DHRSX: variants seen among roughly 807,000 people sequenced by gnomAD.
The protein encoded by DHRSX is dehydrogenase/reductase X-linked, also known as polyprenol dehydrogenase.
A neutral mutation model predicts 34.0 loss-of-function variants in DHRSX; 31 were observed. That is an observed-to-expected ratio of 0.91 (90% CI 0.69 to 1.23). The LOEUF (loss-of-function observed/expected upper bound fraction) is 1.23, where lower values mean the gene tolerates loss of function less well. DHRSX is among the 50% of genes most tolerant of loss of function. The pLI, the probability that DHRSX is intolerant of heterozygous loss-of-function variation, is 0.00. For synonymous variants in DHRSX, 201 were observed against 183.8 expected, an observed-to-expected ratio of 1.09 and a Z score of -0.76; for missense variants, 414 against 428.1, an observed-to-expected ratio of 0.97 and a Z score of 0.29.
At chrX:2,420,898 C>A (rs1381332253) in intron 2 of DHRSX, among the ~76,000 whole-genome samples, 3 of 152,104 alleles carry the variant, frequency 2.0e-5, no homozygotes, top group Non-Finnish European at 2.9e-5. Flanking sequence ...ACTAATCCAA[C>A]AAGATTTCAT....
intron 2 of DHRSX, among the ~76,000 whole-genome samples, chrX:2,420,547 A>G (rs918624827): frequency 2.6e-5 from 4 of 151,950 alleles, no homozygotes; most frequent in South Asian, 4.2e-4. Context: ...GATCGAGACC[A>G]TCTTGGCCAA....
chrX:2,238,862 G>A (rs1008898075), intron 6 of DHRSX, among the ~76,000 whole-genome samples: 11 of 151,990 alleles, frequency 7.2e-5, no homozygotes, highest in African/African-American at 2.7e-4. Context: ...TGGGATTACA[G>A]GCATGAGACA....
chrX:2,338,838 G>A (rs2042603863), intron 3 of DHRSX, among the ~76,000 whole-genome samples: 1 of 151,832 alleles, frequency 6.6e-6, no homozygotes, highest in Middle Eastern at 3.4e-3. Context: ...ACACAAAACC[G>A]ACGAAGACAC....
chrX:2,243,359 G>C, intron 5 of DHRSX, 129 bp from the exon 6 acceptor site: 1 of 720,256 alleles, frequency 1.4e-6, no homozygotes, highest in South Asian at 1.9e-5. Flanking sequence ...ACCCATGTGT[G>C]ATCATGCCAT....
chrX:2,410,044 G>A (rs1738679179), intron 2 of DHRSX, among the ~76,000 whole-genome samples: 1 of 152,180 alleles, frequency 6.6e-6, no homozygotes, highest in African/African-American at 2.4e-5. Context: ...TTTCTTTAAT[G>A]TCTTAGGAAG....
At chrX:2,328,018 T>G (rs1244012639) in intron 3 of DHRSX, among the ~76,000 whole-genome samples, 4 of 143,244 alleles carry the variant, frequency 2.8e-5, no homozygotes, top group Non-Finnish European at 6.0e-5. Context: ...AGGTGGAGCT[T>G]GCAGTGAGCC....
chrX:2,338,515 C>G (rs1030953090), intron 3 of DHRSX, among the ~76,000 whole-genome samples: 5 of 151,788 alleles, frequency 3.3e-5, no homozygotes, highest in Admixed American at 1.3e-4. Flanking sequence ...GTTTGAGCAA[C>G]GGACGATGGA....
intron 3 of DHRSX, among the ~76,000 whole-genome samples, chrX:2,383,298 TCAC>T (rs1460232844): frequency 6.6e-6 from 1 of 150,852 alleles, no homozygotes; most frequent in Non-Finnish European, 1.5e-5. Context: ...ATCACTATCA[TCAC>T]CATCATAAAC....
At chrX:2,226,117 A>G (rs1251306694) in intron 6 of DHRSX, among the ~76,000 whole-genome samples, 1 of 152,046 alleles carries the variant, frequency 6.6e-6, no homozygotes, top group Admixed American at 6.6e-5. Flanking sequence ...AGTCTATGGG[A>G]CGTCAGGCTG....
chrX:2,402,725 C>T (rs2043501660), intron 3 of DHRSX, among the ~76,000 whole-genome samples: 1 of 151,928 alleles, frequency 6.6e-6, no homozygotes, highest in African/African-American at 2.4e-5. Flanking sequence ...AAATTGCATG[C>T]ACACATAGTA....
At chrX:2,444,988 C>T (rs753439695) in intron 1 of DHRSX, among the ~76,000 whole-genome samples, 2 of 152,264 alleles carry the variant, frequency 1.3e-5, no homozygotes, top group South Asian at 2.1e-4. Flanking sequence ...GAAACCCCGT[C>T]TCTACTAAAA....
chrX:2,291,553 C>G lies in DHRSX; in HGVS notation c.337G>C (p.Val113Leu), dbSNP rs776210575. The G allele has an allele frequency of 1.5e-5, 25 of 1,613,788 alleles. No individual in the cohort carries two copies. The South Asian group carries it at 2.5e-4, about 16-fold the overall frequency. The change falls in exon 4 of 7, where the codon GTG (valine) becomes CTG (leucine). Residue 113 changes from valine (V) to leucine (L), a missense_variant. By Grantham distance (32) the Val-to-Leu change is conservative. Coordinates refer to ENST00000334651, the MANE Select transcript of DHRSX (RefSeq NM_145177.3). ...ATCTTCTTCATCTTGAACTTCTGCA[C>G]AAACTGCCGGATGGAAGTCATGGAA... ...LASMTSIRQF[V>L]QKFKMKKIPL...
chrX:2,246,608 G>C (rs2016287825), intron 5 of DHRSX, among the ~76,000 whole-genome samples: 1 of 150,564 alleles, frequency 6.6e-6, no homozygotes. Context: ...GGGCAACAGA[G>C]TGAAAGTCTG....
intron 5 of DHRSX, among the ~76,000 whole-genome samples, chrX:2,257,006 G>C (rs1309858749): frequency 6.6e-6 from 1 of 152,140 alleles, no homozygotes; most frequent in Non-Finnish European, 1.5e-5. Flanking sequence ...CTGGAGTGCA[G>C]TGGTGCGATC....
intron 1 of DHRSX, chrX:2,488,865 CAG>C: frequency 6.2e-7 from 1 of 1,613,270 alleles, no homozygotes; most frequent in Non-Finnish European, 8.5e-7. Context: ...AAGAGACGCT[CAG>C]GGGCGACGCG....
At chrX:2,315,120 A>G (rs1458959272) in intron 3 of DHRSX, among the ~76,000 whole-genome samples, 2 of 151,898 alleles carry the variant, frequency 1.3e-5, no homozygotes, top group East Asian at 1.9e-4. Flanking sequence ...ATCACGCCAT[A>G]GCACTCCAGC....
intron 2 of DHRSX, among the ~76,000 whole-genome samples, chrX:2,423,429 A>T (rs1447885097): frequency 3.3e-5 from 5 of 151,638 alleles, no homozygotes; most frequent in Admixed American, 2.6e-4. Flanking sequence ...ACAATAATAA[A>T]TAAATAAATA....
chrX:2,222,577 T>C (rs1402041883), intron 6 of DHRSX, among the ~76,000 whole-genome samples: 1 of 152,208 alleles, frequency 6.6e-6, no homozygotes, highest in Non-Finnish European at 1.5e-5. Flanking sequence ...CGAACTGATT[T>C]CACCTCTCAC....
At chrX:2,406,505 ATCTCAGCT>A (rs2043557602) in intron 3 of DHRSX, among the ~76,000 whole-genome samples, 1 of 149,440 alleles carries the variant, frequency 6.7e-6, no homozygotes, top group Admixed American at 6.7e-5. Context: ...CAAAGGTGTG[ATCTCAGCT>A]CACTGCAACC....
Sources: gnomAD v4.1 joint callset for allele counts (sites outside exome capture counted in the v4.1 genomes callset) on GRCh38, gnomAD v4.1.1 for gene constraint, MANE v1.5 for transcripts, NCBI Gene and HGNC (gene_info 2026-07-23, HGNC 2026-07-21) for gene names.